The following WDTC1 variants were observed in gnomAD, a reference collection of about 807,000 sequenced individuals.
WDTC1 encodes the protein WD and tetratricopeptide repeats 1.
WDTC1 carries 12 observed loss-of-function variants against 76.0 expected under a neutral mutation model. The ratio of observed to expected loss-of-function variants is 0.16; its 90% CI spans 0.10 to 0.26. The LOEUF (loss-of-function observed/expected upper bound fraction) is 0.26. WDTC1 is among the 10% of genes least tolerant of loss of function. The pLI is 1.00. For synonymous variants in WDTC1, 326 were observed against 350.8 expected (o/e 0.93, Z 0.79); for missense variants, 511 against 908.8 (o/e 0.56, Z 5.63).
chr1:27,259,332 T>C, intron 1 of WDTC1, among the ~76,000 whole-genome samples: 1 of 138,582 alleles, frequency 7.2e-6, no homozygotes, highest in East Asian at 2.0e-4. Flanking sequence ...ACTTTTTTTT[T>C]TTTTTTTTTT....
At position 27,301,093 on chromosome 1, in the gene WDTC1, GTCC is replaced by G. The variant is rs550474034; in HGVS notation, c.1233-130_1233-128del. On this transcript the variant is annotated intron_variant, in intron 12 of 15. Coordinates refer to ENST00000319394, the MANE Select transcript of WDTC1 (RefSeq NM_001276252.2). The surrounding 1 kb of genome is among the most constrained non-coding windows in gnomAD (Gnocchi z 5.8). ...CCTGGGCTGAGCCAGGATTCTCTTC[GTCC>G]TCAAGTCCCCTTGCCATGAGATCTG... 343 of 740,844 alleles carry G rather than the reference GTCC, an allele frequency of 4.6e-4. No homozygotes were observed. The Middle Eastern group carries it at 4.9e-3, about 10-fold the overall frequency. The allele number at this position is 740,844 out of a possible 1,614,324, so 45.9% of individuals were successfully genotyped here. A position where few individuals can be genotyped will look rare whatever the true frequency, so the allele number is the denominator to read the frequency against.
rs551502377 is a variant in WDTC1, at chr1:27,260,512, G to GA, written c.-99-443dup. Among the ~76,000 whole-genome samples, 5 of 152,268 alleles carry GA rather than the reference G, an allele frequency of 3.3e-5. No individual in the cohort carries two copies. The East Asian group carries it at 9.6e-4, about 29-fold the overall frequency. On this transcript the variant is annotated intron_variant, in intron 1 of 15. Transcript: ENST00000319394. ...TTCTGTGAATCTACTGGAGACTTGA[G>GA]AGTTCTGTCTGTGATACTGATTTGG...
intron 12 of WDTC1, 117 bp downstream of exon 12, chr1:27,298,228 A>G: frequency 1.5e-6 from 2 of 1,319,950 alleles, no homozygotes; most frequent in Non-Finnish European, 2.0e-6. Flanking sequence ...TGGCAAGAAC[A>G]TATTGCTGCC....
intron 7 of WDTC1, among the ~76,000 whole-genome samples, chr1:27,292,775 T>C (rs1246534846): frequency 6.9e-6 from 1 of 144,262 alleles, no homozygotes; most frequent in Non-Finnish European, 1.5e-5. Flanking sequence ...TTTTTTTTTT[T>C]TTTTGAGACA....
At chr1:27,295,629 A>ATT (rs1306959957) in intron 9 of WDTC1, among the ~76,000 whole-genome samples, 1 of 150,542 alleles carries the variant, frequency 6.6e-6, no homozygotes, top group Non-Finnish European at 1.5e-5. Context: ...CTAATTTTGT[A>ATT]TTTTTAGTAG....
intron 3 of WDTC1, among the ~76,000 whole-genome samples, chr1:27,272,563 TG>T (rs1209512439): frequency 6.6e-6 from 1 of 152,232 alleles, no homozygotes; most frequent in African/African-American, 2.4e-5. Flanking sequence ...TCAATGTTGT[TG>T]GGAGCCAGAG....
chr1:27,241,710 G>GTA (rs2011634788), intron 1 of WDTC1, among the ~76,000 whole-genome samples: 1 of 152,134 alleles, frequency 6.6e-6, no homozygotes, highest in African/African-American at 2.4e-5. Flanking sequence ...TAGTGAGAGA[G>GTA]TATAGCATTA....
Position 27,301,558 on chromosome 1 carries a change from G to C in WDTC1, c.1468+97G>C. 1 of 1,353,234 alleles carries C rather than the reference G, an allele frequency of 7.4e-7. No individual in the cohort carries two copies. The highest frequency in any genetic ancestry group is 1.0e-6 in the Non-Finnish European group (1 of 984,988). The allele number at this position is 1,353,234 out of a possible 1,614,324, so 83.8% of individuals were successfully genotyped here. On this transcript the variant is annotated intron_variant, in intron 13 of 15. Transcript: ENST00000319394. The surrounding 1 kb of genome is among the most constrained non-coding windows in gnomAD (Gnocchi z 5.8). The stretch of plus-strand genomic sequence containing the variant: ...CATGGTTCTGGGATTGGAGAGGCCT[G>C]GGTTCAGATGTTGATTCAGAAACCA...
chr1:27,304,168 G>A lies in WDTC1; in HGVS notation c.1643+373G>A, dbSNP rs115180720. On this transcript the variant is annotated intron_variant, in intron 14 of 15. Transcript: ENST00000319394. ...GAGTATGAGGCAGCAGCCCTCCAAGGCTGGGAATCTTGGCACATCTGTTTT... is the reference window on the plus strand; with the variant it reads ...GAGTATGAGGCAGCAGCCCTCCAAGACTGGGAATCTTGGCACATCTGTTTT... 9.9e-3 allele frequency: 2,355 copies of A among 238,396 alleles called. 36 individuals are homozygous for A. The highest frequency in any genetic ancestry group is 0.012 in the Non-Finnish European group (1,449 of 122,900). The allele number at this position is 238,396 out of a possible 1,614,324, so 14.8% of individuals were successfully genotyped here. A position where few individuals can be genotyped will look rare whatever the true frequency, so the allele number is the denominator to read the frequency against.
chr1:27,278,933 T>C (rs115602574), intron 3 of WDTC1, among the ~76,000 whole-genome samples: 7,901 of 152,118 alleles, frequency 0.052, 263 homozygotes, highest in Middle Eastern at 0.068. Context: ...TGCAGTGATG[T>C]GTGCTTCGAA....
intron 6 of WDTC1, among the ~76,000 whole-genome samples, chr1:27,290,938 A>G (rs1300337729): frequency 1.3e-5 from 2 of 152,252 alleles, no homozygotes; most frequent in Non-Finnish European, 2.9e-5. Flanking sequence ...TGAACCTCAG[A>G]AGACAGAATG....
chr1:27,285,106 T>C (rs868003629), intron 5 of WDTC1, among the ~76,000 whole-genome samples: 2 of 151,026 alleles, frequency 1.3e-5, no homozygotes, highest in Non-Finnish European at 3.0e-5. Context: ...GGCACAATCT[T>C]GGCTCACTGC....
rs549859291 is a variant in WDTC1, at chr1:27,272,956, T to G, written c.133-9283T>G. On this transcript the variant is annotated intron_variant, in intron 3 of 15. Transcript: ENST00000319394. The stretch of plus-strand genomic sequence containing the variant: ...ATAGAAATTTGTATTTATCTATTAT[T>G]TCCAGCTCTGTCCACGCAAAGGTAA... Among the ~76,000 whole-genome samples the G allele has an allele frequency of 3.9e-4, 59 of 152,250 alleles. 1 individual carries two copies. The highest frequency in any genetic ancestry group is 1.3e-3 in the African/African-American group (56 of 41,548).
intron 1 of WDTC1, among the ~76,000 whole-genome samples, chr1:27,256,035 C>A (rs985915251): frequency 6.6e-6 from 1 of 152,112 alleles, no homozygotes; most frequent in African/African-American, 2.4e-5. Context: ...GCAACAGAAA[C>A]CAACTCTGGC....
rs141515653 is a variant in WDTC1 at position 27,247,916 on chromosome 1, C to T, written c.-100+12965C>T. The stretch of plus-strand genomic sequence containing the variant: ...TAGTGTTAGTAGAGACGGGGTTTCT[C>T]CACGTTGGCCAGGCTGGTCTTGAAC... On this transcript the variant is annotated intron_variant, in intron 1 of 15. Coordinates refer to ENST00000319394, the MANE Select transcript of WDTC1 (RefSeq NM_001276252.2). 8.1e-3 allele frequency among the ~76,000 whole-genome samples: 1,227 copies of T among 152,162 alleles called. 7 individuals carry two copies. Among genetic ancestry groups the T allele is most frequent in the Middle Eastern group, 0.014 (4 of 294 alleles).
chr1:27,275,204 T>C (rs2012986680), intron 3 of WDTC1, among the ~76,000 whole-genome samples: 1 of 152,188 alleles, frequency 6.6e-6, no homozygotes, highest in Non-Finnish European at 1.5e-5. Context: ...CTTATATTAT[T>C]TTAGCATACA....
chr1:27,287,370 T>C (rs1334753691), intron 5 of WDTC1, among the ~76,000 whole-genome samples: 1 of 144,926 alleles, frequency 6.9e-6, no homozygotes, highest in Non-Finnish European at 1.6e-5. Context: ...GTTTTGTTTT[T>C]TGTTGTTGTT....
At chr1:27,264,546 C>T (rs943034490) in intron 3 of WDTC1, among the ~76,000 whole-genome samples, 7 of 152,130 alleles carry the variant, frequency 4.6e-5, no homozygotes, top group African/African-American at 1.7e-4. Flanking sequence ...AGAAATTCAG[C>T]TTTTTCATTG....
At chr1:27,302,079 G>A (rs1271924104) in intron 13 of WDTC1, among the ~76,000 whole-genome samples, 8 of 152,128 alleles carry the variant, frequency 5.3e-5, no homozygotes, top group African/African-American at 1.2e-4. Context: ...AAACGTGAAC[G>A]GTGAGCTCAT....
Sources: gnomAD v4.1 joint callset for allele counts (sites outside exome capture counted in the v4.1 genomes callset) on GRCh38, gnomAD v4.1.1 for gene constraint, Gnocchi (gnomAD v3.1) non-coding constraint, MANE v1.5 for transcripts, NCBI Gene and HGNC (gene_info 2026-07-23, HGNC 2026-07-21) for gene names.